CCDC149: variants seen among roughly 807,000 people sequenced by gnomAD.
CCDC149 encodes the protein coiled-coil domain-containing protein 149.
In CCDC149, 45 loss-of-function variants were observed where a neutral mutation model predicts 59.9. The observed-to-expected ratio is 0.75, with a 90% CI of 0.59 to 0.96. The LOEUF (loss-of-function observed/expected upper bound fraction) is 0.96. Among genes scored for constraint, CCDC149 ranks in the 40% least tolerant of loss-of-function variants. CCDC149 has a pLI of 0.00. For missense variants in CCDC149, 584 were observed against 664.7 expected (o/e 0.88, Z 1.33); for synonymous variants, 245 against 260.6 (o/e 0.94, Z 0.58).
At chr4:24,963,604 A>G (rs1577509549) in intron 1 of CCDC149, among the ~76,000 whole-genome samples, 1 of 152,176 alleles carries the variant, frequency 6.6e-6, no homozygotes, top group South Asian at 2.1e-4. Flanking sequence ...CACTCACTCA[A>G]TGGCAACAAG....
At chr4:24,979,752 T>C (rs1168752200) in intron 1 of CCDC149, among the ~76,000 whole-genome samples, 1 of 152,162 alleles carries the variant, frequency 6.6e-6, no homozygotes, top group African/African-American at 2.4e-5. Context: ...CAAGTTCTCA[T>C]TGTGACCCAG....
At chr4:24,863,570 G>T (rs1034296177) in intron 3 of CCDC149, among the ~76,000 whole-genome samples, 1 of 152,210 alleles carries the variant, frequency 6.6e-6, no homozygotes, top group Non-Finnish European at 1.5e-5. Context: ...AGTGCAGAAA[G>T]TAGAAAAGTT....
chr4:24,874,264 TGTTTTTTTTTG>T (rs1560230601), intron 2 of CCDC149, among the ~76,000 whole-genome samples: 363 of 32,822 alleles, frequency 0.011, 47 homozygotes, highest in African/African-American at 0.022. Context: ...TTTTTTGTTT[TGTTTTTTTTTG>T]TTTTTTTGCC....
chr4:24,943,537 A>G (rs1413645886), intron 1 of CCDC149, among the ~76,000 whole-genome samples: 2 of 152,232 alleles, frequency 1.3e-5, no homozygotes, highest in Non-Finnish European at 1.5e-5. Flanking sequence ...CACCAAAAGC[A>G]ATGGCAACAA....
At chr4:24,835,139 C>T in intron 7 of CCDC149, 107 bp from the exon 8 acceptor site, 1 of 678,124 alleles carries the variant, frequency 1.5e-6, no homozygotes, top group South Asian at 2.0e-5. Flanking sequence ...CTTGCAAACT[C>T]CAAGTGCTAG....
At chr4:24,816,974 G>A (rs944007970) in intron 12 of CCDC149, among the ~76,000 whole-genome samples, 4 of 152,142 alleles carry the variant, frequency 2.6e-5, no homozygotes, top group Admixed American at 6.5e-5. Context: ...TCACAGATGC[G>A]ACAGTGATGA....
intron 3 of CCDC149, 67 bp downstream of exon 3, chr4:24,873,614 A>G: frequency 1.9e-6 from 2 of 1,046,672 alleles, no homozygotes. Flanking sequence ...ACATTTTGAG[A>G]TTCCCTGATC....
intron 1 of CCDC149, among the ~76,000 whole-genome samples, chr4:24,927,202 T>A (rs1274450575): frequency 6.6e-6 from 1 of 152,194 alleles, no homozygotes; most frequent in African/African-American, 2.4e-5. Context: ...ATTTCCCACA[T>A]CCAGGAAGGT....
intron 4 of CCDC149, among the ~76,000 whole-genome samples, chr4:24,846,367 T>C (rs1046624284): frequency 3.3e-5 from 5 of 152,218 alleles, no homozygotes; most frequent in Admixed American, 2.6e-4. Flanking sequence ...AGCTTTTCAT[T>C]AGAGTGCCAT....
intron 1 of CCDC149, among the ~76,000 whole-genome samples, chr4:24,922,617 G>A (rs1219581701): frequency 6.6e-6 from 1 of 152,162 alleles, no homozygotes; most frequent in Non-Finnish European, 1.5e-5. Context: ...CCCTTCAGCA[G>A]TTTAGTGAAC....
chr4:24,805,948 C>A (rs778062778), downstream of CCDC149, among the ~76,000 whole-genome samples: 1 of 152,170 alleles, frequency 6.6e-6, no homozygotes, highest in Non-Finnish European at 1.5e-5. Flanking sequence ...GCCTTACTTT[C>A]GAAGTTCCTG....
intron 12 of CCDC149, among the ~76,000 whole-genome samples, chr4:24,813,095 G>A (rs1362233299): frequency 1.3e-5 from 2 of 152,096 alleles, no homozygotes; most frequent in East Asian, 3.9e-4. Flanking sequence ...AGGGTTAGAT[G>A]AGTCATGAAA....
At chr4:24,929,406 G>A (rs887207307) in intron 1 of CCDC149, among the ~76,000 whole-genome samples, 9 of 152,136 alleles carry the variant, frequency 5.9e-5, no homozygotes, top group Admixed American at 2.6e-4. Flanking sequence ...CGCCACCACC[G>A]CTATCATTTC....
intron 3 of CCDC149, among the ~76,000 whole-genome samples, chr4:24,863,540 G>T (rs957927342): frequency 3.3e-5 from 5 of 152,206 alleles, no homozygotes; most frequent in Non-Finnish European, 5.9e-5. Flanking sequence ...TCACAGGCTG[G>T]CTGTCTTCAC....
intron 12 of CCDC149, among the ~76,000 whole-genome samples, chr4:24,814,881 C>T (rs1714913209): frequency 6.6e-6 from 1 of 152,206 alleles, no homozygotes; most frequent in African/African-American, 2.4e-5. Context: ...CTGTCCCCAG[C>T]ACCTATACTT....
At chr4:24,939,441 C>T (rs543354455) in intron 1 of CCDC149, among the ~76,000 whole-genome samples, 31 of 152,174 alleles carry the variant, frequency 2.0e-4, no homozygotes, top group Admixed American at 1.4e-3. Context: ...CACAAAGATG[C>T]GGAAAAAACA....
chr4:24,865,170 G>A (rs1012254036), intron 3 of CCDC149, among the ~76,000 whole-genome samples: 4 of 152,106 alleles, frequency 2.6e-5, no homozygotes, highest in African/African-American at 9.7e-5. Flanking sequence ...GCAAGCCCTT[G>A]ACCTAGGCAC....
At chr4:24,950,502 G>A (rs575699334) in intron 1 of CCDC149, among the ~76,000 whole-genome samples, 2 of 152,184 alleles carry the variant, frequency 1.3e-5, no homozygotes, top group Non-Finnish European at 2.9e-5. Context: ...GAATATGGCT[G>A]CTGGGAATGA....
chr4:24,889,732 G>T (rs1208869953), intron 1 of CCDC149, among the ~76,000 whole-genome samples: 1 of 152,206 alleles, frequency 6.6e-6, no homozygotes, highest in Non-Finnish European at 1.5e-5. Context: ...CTTGTGGGCT[G>T]TGTAGCAGTA....
Sources: gnomAD v4.1 joint callset for allele counts (sites outside exome capture counted in the v4.1 genomes callset) on GRCh38, gnomAD v4.1.1 for gene constraint, MANE v1.5 for transcripts, NCBI Gene and HGNC (gene_info 2026-07-23, HGNC 2026-07-21) for gene names.